The following ABCG2 variants were observed in gnomAD, a reference collection of about 807,000 sequenced individuals.
The protein encoded by ABCG2 is broad substrate specificity ATP-binding cassette transporter ABCG2.
Under a neutral mutation model 73.5 loss-of-function variants are expected in ABCG2, and 80 were observed. The observed-to-expected ratio is 1.09, with a 90% confidence interval of 0.91 to 1.31. The LOEUF (loss-of-function observed/expected upper bound fraction) is 1.31, where lower values mean the gene tolerates loss of function less well. Ranked by LOEUF, ABCG2 falls within the 50% of genes most tolerant of loss-of-function variation. The probability of loss-of-function intolerance (pLI) is 0.00; values close to 1 mark genes in which losing one functional copy is unlikely to be tolerated. For missense variants in ABCG2, 796 were observed against 786.2 expected (o/e 1.01, Z -0.15); for synonymous variants, 269 against 282.4 (o/e 0.95, Z 0.48).
Position 88,113,541 on chromosome 4 carries a change from A to G in ABCG2, c.956T>C (p.Ile319Thr), listed in dbSNP as rs1433653992. ...REEDFKATEI[I>T]EPSKQDKPLI... ...TGGCTTATCCTGCTTGGAAGGCTCT[A>G]TGATCTCTGTGGCTTTGCAATCAGT... The change falls in exon 9 of 16, where the codon ATA becomes ACA. Residue 319 changes from isoleucine (I) to threonine (T), a missense_variant. Physicochemically the swap from Ile to Thr is moderately conservative, Grantham distance 89. Transcript: ENST00000237612. 2.5e-6 allele frequency: 4 copies of G among 1,613,214 alleles called. No homozygotes were observed. The highest frequency in any genetic ancestry group is 3.4e-6 in the Non-Finnish European group (4 of 1,179,410).
upstream of ABCG2, among the ~76,000 whole-genome samples, chr4:88,163,345 A>G (rs898976793): frequency 1.8e-4 from 27 of 152,232 alleles, no homozygotes; most frequent in Non-Finnish European, 7.3e-5. Flanking sequence ...AGAGAAAGGA[A>G]TATAGCTAGA....
chr4:88,149,650 G>C (rs529032194), intron 1 of ABCG2, among the ~76,000 whole-genome samples: 1 of 152,122 alleles, frequency 6.6e-6, no homozygotes, highest in Non-Finnish European at 1.5e-5. Context: ...TCGGGAGTTC[G>C]AGACCAGCCT....
chr4:88,094,393 A>G (rs1721843004), intron 15 of ABCG2, among the ~76,000 whole-genome samples, 184 bp downstream of exon 15: 1 of 151,832 alleles, frequency 6.6e-6, no homozygotes, highest in Admixed American at 6.6e-5. Context: ...CTGCAGCAGA[A>G]TACTGAGGGG....
In ABCG2 at chr4:88,191,372, A is replaced by G. The variant is rs1041320803; in HGVS notation, c.-20+39622T>C. ...GAAAAGATGCTTGGCATCATTAGCCATTAGGTAAATACAAATTCAAACCAT... is the reference window on the plus strand; with the variant it reads ...GAAAAGATGCTTGGCATCATTAGCCGTTAGGTAAATACAAATTCAAACCAT... On this transcript the variant is annotated intron_variant, in intron 1 of 15. Transcript: ENST00000515655. 3.9e-5 allele frequency among the ~76,000 whole-genome samples: 6 copies of G among 152,102 alleles called. No homozygotes were observed. In the East Asian group the frequency reaches 7.8e-4, roughly 20 times the overall value.
intron 1 of ABCG2, among the ~76,000 whole-genome samples, chr4:88,194,086 G>A (rs902120351): frequency 1.3e-5 from 2 of 152,154 alleles, no homozygotes; most frequent in African/African-American, 4.8e-5. Context: ...GAAATCAGAT[G>A]TTCCACTTCC....
At chr4:88,196,682 A>G (rs1036373265) in intron 1 of ABCG2, among the ~76,000 whole-genome samples, 7 of 151,958 alleles carry the variant, frequency 4.6e-5, no homozygotes, top group African/African-American at 7.3e-5. Flanking sequence ...ATTATTATGA[A>G]TCAGCAACTA....
intron 1 of ABCG2, among the ~76,000 whole-genome samples, chr4:88,169,414 G>A (rs1361326472): frequency 6.6e-6 from 1 of 152,072 alleles, no homozygotes; most frequent in African/African-American, 2.4e-5. Context: ...CATATATTTT[G>A]CAGGTCATAA....
intron 12 of ABCG2, among the ~76,000 whole-genome samples, 177 bp downstream of exon 12, chr4:88,099,147 G>A (rs1011917675): frequency 6.6e-6 from 1 of 152,140 alleles, no homozygotes; most frequent in Non-Finnish European, 1.5e-5. Flanking sequence ...AAACAGTCTT[G>A]ACAAAAATAG....
At chr4:88,118,076 A>C in intron 7 of ABCG2, 33 bp downstream of exon 7, 1 of 1,598,374 alleles carries the variant, frequency 6.3e-7, no homozygotes, top group Non-Finnish European at 8.5e-7. Flanking sequence ...TCTATTAATG[A>C]AGCATTTTAC....
At chr4:88,141,267 G>T (rs1378555996) in intron 1 of ABCG2, among the ~76,000 whole-genome samples, 2 of 152,134 alleles carry the variant, frequency 1.3e-5, no homozygotes, top group African/African-American at 4.8e-5. Flanking sequence ...CAAAATCACG[G>T]AATGGCGGGA....
upstream of ABCG2, chr4:88,159,219 C>G (rs965248906): frequency 1.8e-5 from 8 of 456,196 alleles, no homozygotes; most frequent in African/African-American, 4.0e-5. Context: ...TCTGACCTAG[C>G]TGGGTTTGGT....
At chr4:88,133,954 C>A (rs189136919) in intron 2 of ABCG2, among the ~76,000 whole-genome samples, 2 of 150,958 alleles carry the variant, frequency 1.3e-5, no homozygotes, top group Admixed American at 1.3e-4. Context: ...GCCGAGATCA[C>A]GTCATTGTAC....
chr4:88,136,913 G>A (rs751558752), intron 2 of ABCG2, among the ~76,000 whole-genome samples: 6 of 151,046 alleles, frequency 4.0e-5, no homozygotes, highest in African/African-American at 1.2e-4. Flanking sequence ...CTAGGAGGCT[G>A]AGGCAGGAGA....
intron 1 of ABCG2, among the ~76,000 whole-genome samples, chr4:88,168,577 G>A (rs566772008): frequency 2.6e-5 from 4 of 151,364 alleles, no homozygotes; most frequent in East Asian, 1.9e-4. Flanking sequence ...AAAAAACTAC[G>A]TATTGATAAT....
intron 11 of ABCG2, among the ~76,000 whole-genome samples, chr4:88,100,567 G>A (rs897320406): frequency 5.3e-5 from 8 of 150,788 alleles, no homozygotes; most frequent in African/African-American, 1.5e-4. Flanking sequence ...GGAGGACTGC[G>A]TAAGCCCCGC....
rs193120963 is a variant in ABCG2 at position 88,133,740 on chromosome 4, G to A, written c.204-1105C>T. On this transcript the variant is annotated intron_variant, in intron 2 of 15. Coordinates refer to ENST00000237612, the MANE Select transcript of ABCG2 (RefSeq NM_004827.3). Reference sequence around the variant, plus strand: ...TGGCCGGGTGTGGTGGCTCATGCCTGTAATCCCAGCACTTCGGGAAGCCGA... The same window carrying A: ...TGGCCGGGTGTGGTGGCTCATGCCTATAATCCCAGCACTTCGGGAAGCCGA... Among the ~76,000 whole-genome samples, 48 of 152,336 alleles carry A rather than the reference G, an allele frequency of 3.2e-4. No individual in the cohort carries two copies. The East Asian group carries it at 7.1e-3, about 23-fold the overall frequency.
intron 1 of ABCG2, among the ~76,000 whole-genome samples, chr4:88,220,123 CA>C (rs1729963204): frequency 6.6e-6 from 1 of 152,164 alleles, no homozygotes; most frequent in South Asian, 2.1e-4. Flanking sequence ...ATAATGTCTT[CA>C]AGGTTCATTC....
chr4:88,177,111 G>C (rs975455819), intron 1 of ABCG2, among the ~76,000 whole-genome samples: 27 of 152,244 alleles, frequency 1.8e-4, no homozygotes, highest in African/African-American at 5.8e-4. Flanking sequence ...AGTGGCTCAC[G>C]CCTGTAATCC....
At chr4:88,177,153 G>A (rs6828175) in intron 1 of ABCG2, among the ~76,000 whole-genome samples, 87,944 of 151,954 alleles carry the variant, frequency 0.58, 26,270 homozygotes, top group African/African-American at 0.71. Context: ...TGGGCGGATC[G>A]CAAGGTCAGG....
Sources: allele counts gnomAD v4.1 joint callset (sites outside exome capture counted in the v4.1 genomes callset), GRCh38; gene constraint gnomAD v4.1.1; transcripts MANE v1.5; gene names NCBI Gene and HGNC (gene_info 2026-07-23, HGNC 2026-07-21).